The following RALYL variants were observed in gnomAD, a reference collection of about 807,000 sequenced individuals.
RALYL encodes RNA-binding Raly-like protein.
In RALYL, 29 loss-of-function variants were observed where a neutral mutation model predicts 35.1. The observed-to-expected ratio is 0.83, with a 90% CI of 0.61 to 1.13. The LOEUF (loss-of-function observed/expected upper bound fraction) is 1.13. Ranked by LOEUF, RALYL falls within the 50% of genes most tolerant of loss-of-function variation. The pLI is 0.00. For synonymous variants in RALYL, 120 were observed against 127.6 expected, an observed-to-expected ratio of 0.94 and a Z score of 0.40; for missense variants, 359 against 360.4, an observed-to-expected ratio of 1.00 and a Z score of 0.03.
At chr8:84,518,299 T>C (rs1158931992) in intron 1 of RALYL, among the ~76,000 whole-genome samples, 1 of 152,152 alleles carries the variant, frequency 6.6e-6, no homozygotes, top group Non-Finnish European at 1.5e-5. Context: ...TTTCTTAGAA[T>C]TTTCCAAAGT....
At chr8:84,240,406 T>C (rs979597889) in intron 1 of RALYL, among the ~76,000 whole-genome samples, 10 of 152,348 alleles carry the variant, frequency 6.6e-5, no homozygotes, top group African/African-American at 2.4e-4. Context: ...CTGGCCTCTT[T>C]CTTGCAATCA....
At chr8:84,751,057 G>A (rs972211937) in intron 2 of RALYL, among the ~76,000 whole-genome samples, 6 of 151,806 alleles carry the variant, frequency 4.0e-5, no homozygotes, top group African/African-American at 1.2e-4. Context: ...GTCCTTTATC[G>A]GCCATATCAC....
chr8:84,589,864 T>A (rs1812838187), intron 2 of RALYL, among the ~76,000 whole-genome samples: 1 of 152,228 alleles, frequency 6.6e-6, no homozygotes, highest in Non-Finnish European at 1.5e-5. Context: ...TATTTCTATA[T>A]CATGTAGCTT....
At chr8:84,577,862 A>G (rs1809835763) in intron 2 of RALYL, among the ~76,000 whole-genome samples, 1 of 152,224 alleles carries the variant, frequency 6.6e-6, no homozygotes, top group African/African-American at 2.4e-5. Context: ...AAGATTTTGA[A>G]TAGTCTAACA....
intron 1 of RALYL, among the ~76,000 whole-genome samples, chr8:84,343,597 C>G (rs1563763745): frequency 6.6e-6 from 1 of 151,898 alleles, no homozygotes; most frequent in Non-Finnish European, 1.5e-5. Context: ...AAACAGAAGG[C>G]TAACACAATA....
chr8:84,486,202 T>G (rs983725), intron 1 of RALYL, among the ~76,000 whole-genome samples: 2 of 150,758 alleles, frequency 1.3e-5, no homozygotes, highest in African/African-American at 4.9e-5. Flanking sequence ...TTAATAATAA[T>G]AATGAAATAA....
At chr8:84,710,051 A>T (rs986592999) in intron 2 of RALYL, among the ~76,000 whole-genome samples, 3 of 151,874 alleles carry the variant, frequency 2.0e-5, no homozygotes, top group African/African-American at 7.3e-5. Flanking sequence ...ACAGAGCTAG[A>T]CTCCATCTCA....
chr8:84,187,532 A>G (rs754631935), intron 1 of RALYL, among the ~76,000 whole-genome samples: 1 of 152,138 alleles, frequency 6.6e-6, no homozygotes, highest in Non-Finnish European at 1.5e-5. Context: ...ACATAAAATT[A>G]TAAAGACACA....
chr8:84,286,760 C>A (rs1585949519), intron 1 of RALYL, among the ~76,000 whole-genome samples: 1 of 152,122 alleles, frequency 6.6e-6, no homozygotes, highest in South Asian at 2.1e-4. Flanking sequence ...GGAAGCAAAG[C>A]TTTTTCTAAA....
intron 1 of RALYL, among the ~76,000 whole-genome samples, chr8:84,207,639 A>C (rs1818362019): frequency 1.3e-5 from 2 of 152,046 alleles, no homozygotes; most frequent in South Asian, 4.1e-4. Flanking sequence ...GGAAGATCTA[A>C]TATACTCAGC....
chr8:84,787,521 C>A (rs1009741425), intron 3 of RALYL, among the ~76,000 whole-genome samples: 18 of 152,112 alleles, frequency 1.2e-4, no homozygotes, highest in Non-Finnish European at 2.2e-4. Context: ...ATTTATAATC[C>A]TTTGGGTATA....
intron 5 of RALYL, among the ~76,000 whole-genome samples, chr8:84,858,056 CCTA>C (rs1235369771): frequency 2.0e-5 from 3 of 151,928 alleles, no homozygotes; most frequent in Admixed American, 2.0e-4. Context: ...CCTTATTCTT[CCTA>C]GAGAAAAGTT....
At chr8:84,468,691 G>C (rs2133609156) in intron 1 of RALYL, among the ~76,000 whole-genome samples, 1 of 150,180 alleles carries the variant, frequency 6.7e-6, no homozygotes, top group South Asian at 2.2e-4. Flanking sequence ...ACGTTGGCCT[G>C]CCTTGCTAGA....
chr8:84,440,348 G>A (rs1264328089), intron 1 of RALYL, among the ~76,000 whole-genome samples: 1 of 152,070 alleles, frequency 6.6e-6, no homozygotes, highest in Non-Finnish European at 1.5e-5. Flanking sequence ...ATGGTGAAGT[G>A]ATTAACAGCA....
intron 2 of RALYL, among the ~76,000 whole-genome samples, chr8:84,598,248 A>G (rs932578184): frequency 6.6e-6 from 1 of 152,098 alleles, no homozygotes; most frequent in South Asian, 2.1e-4. Flanking sequence ...CTCTCACTGC[A>G]GCCTTGAACT....
intron 1 of RALYL, among the ~76,000 whole-genome samples, chr8:84,305,485 AG>A (rs547435609): frequency 1.3e-3 from 196 of 152,352 alleles, no homozygotes; most frequent in Non-Finnish European, 2.4e-3. Flanking sequence ...AAATTTGTAT[AG>A]ATTTAATTGT....
intron 2 of RALYL, among the ~76,000 whole-genome samples, chr8:84,560,293 G>A (rs116870054): frequency 0.015 from 2,240 of 151,930 alleles, 26 homozygotes; most frequent in Non-Finnish European, 0.021. Context: ...AATAGGAAAA[G>A]AGACAATTTC....
chr8:84,497,174 C>A (rs2056123579), intron 1 of RALYL, among the ~76,000 whole-genome samples: 1 of 152,088 alleles, frequency 6.6e-6, no homozygotes. Flanking sequence ...AACTGATAGG[C>A]ACTACAGAAT....
rs537036101 is a variant in RALYL, at chr8:84,427,930, G to C, written c.-23-101369G>C. On this transcript the variant is annotated intron_variant, in intron 1 of 8. Transcript: ENST00000521268. ...TATCTGCCACACTGCCTGGATAGAG[G>C]AGGCATTCAATTCATTATTGCTAAG... 2.6e-5 allele frequency among the ~76,000 whole-genome samples: 4 copies of C among 152,234 alleles called. No individual in the cohort carries two copies. In the South Asian group the frequency reaches 8.3e-4, roughly 32 times the overall value.
Sources: allele counts gnomAD v4.1 joint callset (sites outside exome capture counted in the v4.1 genomes callset), GRCh38; gene constraint gnomAD v4.1.1; transcripts MANE v1.5; gene names NCBI Gene and HGNC (gene_info 2026-07-23, HGNC 2026-07-21).